Variants in USP25 observed in about 807,000 individuals in gnomAD.
USP25 encodes the protein ubiquitin specific peptidase 25, also known as ubiquitin carboxyl-terminal hydrolase 25.
A neutral mutation model predicts 158.5 loss-of-function variants in USP25; 85 were observed. The ratio of observed to expected loss-of-function variants is 0.54; its 90% CI spans 0.45 to 0.64. The LOEUF (loss-of-function observed/expected upper bound fraction) is 0.64. Ranked by LOEUF, USP25 falls within the 30% of genes least tolerant of loss-of-function variation. The pLI is 0.00. For missense variants in USP25, 1,242 were observed against 1,327.3 expected, an observed-to-expected ratio of 0.94 and a Z score of 1.00; for synonymous variants, 464 against 460.4, an observed-to-expected ratio of 1.01 and a Z score of -0.10.
intron 3 of USP25, among the ~76,000 whole-genome samples, chr21:15,770,788 T>A (rs1040257714): frequency 3.3e-5 from 5 of 152,160 alleles, no homozygotes; most frequent in African/African-American, 1.2e-4. Flanking sequence ...CACAGAAAGT[T>A]CTAATTTACA....
chr21:15,751,514 C>A (rs1341585261), intron 1 of USP25, among the ~76,000 whole-genome samples: 5 of 152,078 alleles, frequency 3.3e-5, no homozygotes, highest in Non-Finnish European at 7.4e-5. Context: ...AGTACAGAAA[C>A]TAGAGATGCA....
intron 20 of USP25, among the ~76,000 whole-genome samples, chr21:15,860,269 C>T (rs555159857): frequency 1.2e-4 from 19 of 152,262 alleles, no homozygotes; most frequent in Middle Eastern, 6.8e-3. Context: ...TGTCCTGCCT[C>T]AGCCTCCCGA....
chr21:15,850,106 A>T (rs16990578), intron 20 of USP25, among the ~76,000 whole-genome samples: 2,562 of 152,088 alleles, frequency 0.017, 74 homozygotes, highest in African/African-American at 0.058. Flanking sequence ...AGTCACTCTA[A>T]TAGTGTGCTT....
In USP25 at chr21:15,777,969, G is replaced by A; in HGVS notation, c.334G>A (p.Glu112Lys). ...GAGAGCAATTGCCTTGAGTTTGGCC[G>A]AATCAAACAGGGCATTCAGGGAGAC... ...LQRAIALSLA[E>K]SNRAFRETGI... Residue 112 changes from glutamate to lysine, a missense_variant, in exon 4 of 26, where the codon GAA becomes AAA. Physicochemically the swap from Glu to Lys is moderately conservative, Grantham distance 56. Transcript: ENST00000400183. 2.5e-6 allele frequency: 4 copies of A among 1,611,328 alleles called. No individual in the cohort carries two copies. The highest frequency in any genetic ancestry group is 3.4e-6 in the Non-Finnish European group (4 of 1,178,858).
chr21:15,853,951 C>T (rs199859090), intron 20 of USP25, among the ~76,000 whole-genome samples: 2 of 151,940 alleles, frequency 1.3e-5, no homozygotes, highest in Non-Finnish European at 2.9e-5. Context: ...TTTAAATATT[C>T]TTCCTTTTTT....
intron 16 of USP25, among the ~76,000 whole-genome samples, chr21:15,831,976 C>A (rs1178947996): frequency 6.6e-6 from 1 of 152,204 alleles, no homozygotes; most frequent in Non-Finnish European, 1.5e-5. Context: ...CTTCATTGAT[C>A]ACCAGTGTTC....
At chr21:15,832,931 T>C (rs117520316) in intron 16 of USP25, among the ~76,000 whole-genome samples, 2,831 of 152,050 alleles carry the variant, frequency 0.019, 57 homozygotes, top group Non-Finnish European at 0.028. Context: ...GGCGGGAGAA[T>C]CGTCTGAACC....
chr21:15,759,185 A>T (rs2033578321), intron 1 of USP25, among the ~76,000 whole-genome samples: 2 of 152,210 alleles, frequency 1.3e-5, no homozygotes, highest in Admixed American at 6.5e-5. Context: ...TTGAATAAAG[A>T]TAATTTCTGT....
In USP25 at chr21:15,766,154, T is replaced by G; in HGVS notation, c.268+13T>G. On this transcript the variant is annotated intron_variant, in intron 3 of 25. Transcript: ENST00000400183. This position sits in a 1 kb window ranked among gnomAD's most constrained non-coding sequence, Gnocchi z 4.0. ...CAAGCAGATACAAGTAAGTTTTCTT[T>G]CTTTTCTTATTATTTTAATAGAAAC... is the stretch of plus-strand genomic sequence containing the variant. 1.3e-6 allele frequency: 2 copies of G among 1,580,594 alleles called. No individual in the cohort carries two copies. Among genetic ancestry groups the G allele is most frequent in the Non-Finnish European group, 1.7e-6 (2 of 1,170,494 alleles).
chr21:15,740,838 C>T (rs1415206460), intron 1 of USP25, among the ~76,000 whole-genome samples: 1 of 151,382 alleles, frequency 6.6e-6, no homozygotes, highest in African/African-American at 2.4e-5. Flanking sequence ...TGGAAATTTC[C>T]TTTGTTCCTC....
chr21:15,867,372 GAA>G (rs1038968529), intron 22 of USP25, among the ~76,000 whole-genome samples: 2 of 151,934 alleles, frequency 1.3e-5, no homozygotes, highest in Non-Finnish European at 2.9e-5. Context: ...GAAAGAGAGA[GAA>G]AACACTCATT....
chr21:15,783,145 C>T (rs531213047), intron 4 of USP25, among the ~76,000 whole-genome samples: 2 of 150,870 alleles, frequency 1.3e-5, no homozygotes, highest in Admixed American at 1.3e-4. Context: ...CAGACTAGAA[C>T]ATGCAGAATA....
chr21:15,776,471 CT>C (rs1328340067), intron 3 of USP25, among the ~76,000 whole-genome samples: 10 of 152,050 alleles, frequency 6.6e-5, no homozygotes, highest in Non-Finnish European at 1.5e-4. Context: ...ATATACATTA[CT>C]TTTTTTCATT....
chr21:15,870,589 T>C (rs1395183375), intron 23 of USP25, among the ~76,000 whole-genome samples: 2 of 152,220 alleles, frequency 1.3e-5, no homozygotes, highest in African/African-American at 4.8e-5. Context: ...TCTACTTATT[T>C]AATTATACTA....
chr21:15,786,534 T>C (rs1165549491), intron 4 of USP25, among the ~76,000 whole-genome samples: 1 of 152,090 alleles, frequency 6.6e-6, no homozygotes, highest in East Asian at 1.9e-4. Context: ...CCATATAATT[T>C]CAGTAGATAC....
chr21:15,827,028 T>C lies in USP25; in HGVS notation c.1518T>C (p.Pro506=). Residue 506 remains proline (P), a synonymous_variant, in exon 14 of 26, where the codon CCT becomes CCC. Coordinates refer to ENST00000400183, the MANE Select transcript of USP25 (RefSeq NM_001283041.3). ...ALSSELPSTS[P]SSVAAISSRS... ...CTTCAGAACTGCCAAGCACATCACC[T>C]TCATCAGTTGCTGCCATTTCATCGA... is the stretch of plus-strand genomic sequence containing the variant. The C allele has an allele frequency of 1.2e-6, 2 of 1,614,158 alleles. No individual in the cohort carries two copies. The highest frequency in any genetic ancestry group is 1.7e-6 in the Non-Finnish European group (2 of 1,180,028).
rs1268413967 is a variant in USP25 at position 15,766,419 on chromosome 21, AC to A, written c.268+279del. On this transcript the variant is annotated intron_variant, in intron 3 of 25. Coordinates refer to ENST00000400183, the MANE Select transcript of USP25 (RefSeq NM_001283041.3). This position sits in a 1 kb window ranked among gnomAD's most constrained non-coding sequence, Gnocchi z 4.0. ...TGCAGATATATTCATAAAAGGAAGA[AC>A]TAGAATTTTTAGTGGGCACAGTTAT... Among the ~76,000 whole-genome samples, 1 of 152,078 alleles carries A rather than the reference AC, an allele frequency of 6.6e-6. No individual in the cohort carries two copies. The highest frequency in any genetic ancestry group is 1.5e-5 in the Non-Finnish European group (1 of 67,960).
intron 9 of USP25, among the ~76,000 whole-genome samples, chr21:15,814,397 A>C (rs999619323): frequency 6.6e-6 from 1 of 152,078 alleles, no homozygotes; most frequent in Non-Finnish European, 1.5e-5. Flanking sequence ...TGTGGAAGCA[A>C]CTTTGGAGAT....
intron 20 of USP25, among the ~76,000 whole-genome samples, chr21:15,850,286 A>C (rs773903798): frequency 5.3e-5 from 8 of 152,016 alleles, no homozygotes; most frequent in Admixed American, 1.3e-4. Context: ...ATCATTAGGT[A>C]CTAAATTGCT....
Sources: allele counts gnomAD v4.1 joint callset (sites outside exome capture counted in the v4.1 genomes callset), GRCh38; gene constraint gnomAD v4.1.1; non-coding constraint Gnocchi (gnomAD v3.1); transcripts MANE v1.5; gene names NCBI Gene and HGNC (gene_info 2026-07-23, HGNC 2026-07-21).